Variants in PIGL observed in about 807,000 individuals in gnomAD.
PIGL encodes the protein N-acetylglucosaminyl-phosphatidylinositol de-N-acetylase.
Under a neutral mutation model 31.1 loss-of-function variants are expected in PIGL, and 22 were observed. That is an observed-to-expected ratio of 0.71 (90% CI 0.51 to 1.01). The LOEUF is 1.01. Ranked by LOEUF, PIGL falls within the 50% of genes least tolerant of loss-of-function variation. PIGL has a pLI of 0.00. For missense variants in PIGL, 302 were observed against 315.9 expected (o/e 0.96, Z 0.33); for synonymous variants, 131 against 117.4 (o/e 1.12, Z -0.75).
chr17:16,237,919 C>T (rs531900835), intron 2 of PIGL, among the ~76,000 whole-genome samples: 66 of 151,356 alleles, frequency 4.4e-4, no homozygotes, highest in African/African-American at 1.6e-3. Flanking sequence ...ATTTCAGGGC[C>T]GGGCGCATTG....
At chr17:16,292,396 TA>T (rs60665148) in intron 2 of PIGL, among the ~76,000 whole-genome samples, 60,763 of 146,642 alleles carry the variant, frequency 0.41, 13,070 homozygotes, top group East Asian at 0.75. Flanking sequence ...TCTTTCTCTT[TA>T]AAAAAAAAAA....
chr17:16,224,411 A>C (rs1356520049), intron 1 of PIGL, among the ~76,000 whole-genome samples: 1 of 151,244 alleles, frequency 6.6e-6, no homozygotes, highest in East Asian at 2.0e-4. Flanking sequence ...GATTCAAGTG[A>C]TCCCCCTGCT....
intron 2 of PIGL, among the ~76,000 whole-genome samples, chr17:16,269,369 C>T (rs1201342849): frequency 6.6e-6 from 1 of 151,986 alleles, no homozygotes; most frequent in Non-Finnish European, 1.5e-5. Context: ...TGGGGCAGGC[C>T]AGGCACTGTG....
At chr17:16,299,867 A>C in intron 2 of PIGL, 21 bp from the exon 3 acceptor site, 1 of 1,579,160 alleles carries the variant, frequency 6.3e-7, no homozygotes, top group Non-Finnish European at 8.7e-7. Context: ...AAGGTGTTCA[A>C]GTTGTGCTTC....
chr17:16,258,253 C>T (rs1269813718), intron 2 of PIGL, among the ~76,000 whole-genome samples: 5 of 145,526 alleles, frequency 3.4e-5, no homozygotes, highest in African/African-American at 1.3e-4. Context: ...GATCTTGGCT[C>T]ACTGCAACCT....
chr17:16,250,346 G>A (rs887865183), intron 2 of PIGL, among the ~76,000 whole-genome samples: 1 of 152,104 alleles, frequency 6.6e-6, no homozygotes, highest in Non-Finnish European at 1.5e-5. Flanking sequence ...AGTATATATA[G>A]GGTTCAGTAC....
intron 1 of PIGL, among the ~76,000 whole-genome samples, chr17:16,231,368 G>A (rs1198207166): frequency 1.3e-5 from 2 of 151,186 alleles, no homozygotes; most frequent in Non-Finnish European, 1.5e-5. Context: ...CCGAGTCAGT[G>A]GGACTACAGG....
At chr17:16,227,780 A>C (rs1040293814) in intron 1 of PIGL, among the ~76,000 whole-genome samples, 3 of 151,182 alleles carry the variant, frequency 2.0e-5, no homozygotes, top group Non-Finnish European at 2.9e-5. Flanking sequence ...GGGTTTCTCC[A>C]TGTTGGTCAG....
intron 2 of PIGL, among the ~76,000 whole-genome samples, chr17:16,285,396 C>T (rs1167302390): frequency 6.6e-6 from 1 of 151,922 alleles, no homozygotes; most frequent in Non-Finnish European, 1.5e-5. Context: ...ACCAGCCTGG[C>T]CAAGATGGTG....
intron 6 of PIGL, chr17:16,324,373 C>A (rs2093118526): frequency 1.3e-5 from 2 of 152,226 alleles, no homozygotes; most frequent in African/African-American, 4.8e-5. Context: ...GCTCTGTCAC[C>A]AGGCTGGAGT....
At chr17:16,319,583 C>T (rs975902566) in intron 6 of PIGL, among the ~76,000 whole-genome samples, 1 of 151,914 alleles carries the variant, frequency 6.6e-6, no homozygotes, top group African/African-American at 2.4e-5. Context: ...GGCGAAACCC[C>T]GTCTCTACTA....
chr17:16,309,153 T>A (rs2093038132), intron 3 of PIGL, among the ~76,000 whole-genome samples: 1 of 152,092 alleles, frequency 6.6e-6, no homozygotes, highest in Admixed American at 6.5e-5. Context: ...AGTGTATTAA[T>A]AGCTGTAAAA....
chr17:16,217,581 G>GT (rs964174520), intron 1 of PIGL, 120 bp downstream of exon 1: 27 of 791,322 alleles, frequency 3.4e-5, no homozygotes, highest in African/African-American at 3.3e-4. Context: ...TACACCGAAG[G>GT]TCTTACCTCT....
At chr17:16,239,739 C>A (rs2092714911) in intron 2 of PIGL, among the ~76,000 whole-genome samples, 1 of 151,556 alleles carries the variant, frequency 6.6e-6, no homozygotes, top group African/African-American at 2.4e-5. Context: ...GGGAGGATAT[C>A]TCAAATTAGG....
intron 4 of PIGL, among the ~76,000 whole-genome samples, chr17:16,315,759 A>G (rs1376468906): frequency 9.0e-6 from 1 of 111,354 alleles, no homozygotes; most frequent in Middle Eastern, 0.011. Flanking sequence ...TCTGTCACCC[A>G]GGCTGGTGTG....
At chr17:16,306,158 C>T (rs563176004) in intron 3 of PIGL, among the ~76,000 whole-genome samples, 10 of 152,162 alleles carry the variant, frequency 6.6e-5, no homozygotes, top group African/African-American at 2.4e-4. Flanking sequence ...ACCAACCTGG[C>T]CAGGCTGATC....
intron 2 of PIGL, among the ~76,000 whole-genome samples, chr17:16,293,867 G>A (rs755177869): frequency 1.4e-4 from 22 of 152,168 alleles, no homozygotes; most frequent in Admixed American, 3.3e-4. Context: ...GGTACGAAGT[G>A]GGGTAGTCTA....
chr17:16,260,609 A>C (rs1401953401), intron 2 of PIGL, among the ~76,000 whole-genome samples: 1 of 152,120 alleles, frequency 6.6e-6, no homozygotes, highest in Non-Finnish European at 1.5e-5. Flanking sequence ...TGCCTGTGGA[A>C]GGGAGCTACT....
intron 2 of PIGL, among the ~76,000 whole-genome samples, chr17:16,293,816 C>T (rs1176961565): frequency 1.3e-5 from 2 of 152,192 alleles, no homozygotes. Flanking sequence ...GCTAAAGAGA[C>T]ACACAAAACA....
Sources: allele counts gnomAD v4.1 joint callset (sites outside exome capture counted in the v4.1 genomes callset), GRCh38; gene constraint gnomAD v4.1.1; transcripts MANE v1.5; gene names NCBI Gene and HGNC (gene_info 2026-07-23, HGNC 2026-07-21).